The following PLEKHG4B variants were observed in gnomAD, a reference collection of about 807,000 sequenced individuals.
PLEKHG4B encodes the protein pleckstrin homology and RhoGEF domain containing G4B.
PLEKHG4B carries 111 observed loss-of-function variants against 121.3 expected under a neutral mutation model. The ratio of observed to expected loss-of-function variants is 0.92; its 90% confidence interval spans 0.78 to 1.07. The LOEUF (loss-of-function observed/expected upper bound fraction) is 1.07. PLEKHG4B is among the 50% of genes least tolerant of loss of function. The pLI is 0.00. For missense variants in PLEKHG4B, 1,831 were observed against 1,757.8 expected, an observed-to-expected ratio of 1.04 and a Z score of -0.74; for synonymous variants, 738 against 725.0, an observed-to-expected ratio of 1.02 and a Z score of -0.29.
chr5:99,194 A>G (rs1579230097), intron 1 of PLEKHG4B, among the ~76,000 whole-genome samples: 1 of 135,948 alleles, frequency 7.4e-6, no homozygotes, highest in African/African-American at 2.7e-5. Flanking sequence ...ATATATATAT[A>G]TATATATATA....
In PLEKHG4B at chr5:176,422, G is replaced by A. The variant is rs201485897; in HGVS notation, c.4402+2324G>A. On this transcript the variant is annotated intron_variant, in intron 18 of 19. Transcript: ENST00000637938. ...TGCCAGCCTTGAATAATCAGATTCA[G>A]AAAATAGAACTAAGTTGATTCAAGC... 2.0e-3 allele frequency among the ~76,000 whole-genome samples: 306 copies of A among 152,356 alleles called. 1 individual carries two copies. The highest frequency in any genetic ancestry group is 8.3e-3 in the South Asian group (40 of 4,830).
At position 183,821 on chromosome 5, in the gene PLEKHG4B, C is replaced by T. The variant is rs1733509637; in HGVS notation, c.*1498C>T. ...CAGGGATGAGAAACTACAATATTGA[C>T]AGTGGAAACTATCCTGGATGGGGTA... On this transcript the variant is annotated 3_prime_UTR_variant, in exon 20 of 20. Coordinates refer to ENST00000637938, the MANE Select transcript of PLEKHG4B (RefSeq NM_052909.5). 1 of 152,158 alleles carries T rather than the reference C, an allele frequency of 6.6e-6. No individual in the cohort carries two copies. The highest frequency in any genetic ancestry group is 6.5e-5 in the Admixed American group (1 of 15,276). The allele number at this position is 152,158 out of a possible 1,614,324, so 9.4% of individuals were successfully genotyped here.
chr5:169,720 C>A, intron 14 of PLEKHG4B, 128 bp downstream of exon 14: 1 of 1,373,954 alleles, frequency 7.3e-7, no homozygotes, highest in Non-Finnish European at 9.8e-7. Flanking sequence ...GGAGCTGGTC[C>A]TGACAGGATG....
chr5:169,382 G>C lies in PLEKHG4B; in HGVS notation c.3519G>C (p.Glu1173Asp). 6.2e-7 allele frequency: 1 copy of C among 1,614,128 alleles called. No individual in the cohort carries two copies. Among genetic ancestry groups the C allele is most frequent in the African/African-American group, 1.3e-5 (1 of 75,064 alleles). Reference protein sequence around the residue: ...RHIMAEMIATEREYIRCLGYV... With the variant: ...RHIMAEMIATDREYIRCLGYV... Reference sequence around the variant, plus strand: ...TCATGGCCGAGATGATCGCCACAGAGAGGGAGTACATTCGGTGCTTAGGAT... The same window carrying C: ...TCATGGCCGAGATGATCGCCACAGACAGGGAGTACATTCGGTGCTTAGGAT... Residue 1173 changes from glutamate to aspartate, a missense_variant, in exon 14 of 20, where the codon GAG becomes GAC. Transcript: ENST00000637938.
chr5:135,853 A>G (rs1456688242), intron 2 of PLEKHG4B, among the ~76,000 whole-genome samples: 2 of 150,952 alleles, frequency 1.3e-5, no homozygotes, highest in East Asian at 1.9e-4. Context: ...GAGACCCCCA[A>G]ATAGCCAAAA....
chr5:164,596 C>CGG (rs1553990066), intron 13 of PLEKHG4B, among the ~76,000 whole-genome samples: 2 of 45,114 alleles, frequency 4.4e-5, no homozygotes, highest in Admixed American at 1.9e-4. Context: ...AATGCTGTGA[C>CGG]GGAGCGGAGC....
At chr5:174,759 C>T (rs1340922509) in intron 18 of PLEKHG4B, among the ~76,000 whole-genome samples, 1 of 152,052 alleles carries the variant, frequency 6.6e-6, no homozygotes, top group African/African-American at 2.4e-5. Flanking sequence ...TCGCATTCCA[C>T]GTTAGGGACA....
intron 6 of PLEKHG4B, among the ~76,000 whole-genome samples, chr5:151,178 G>C (rs557265563): frequency 6.6e-6 from 1 of 152,210 alleles, no homozygotes; most frequent in East Asian, 1.9e-4. Context: ...GCTTGGCTAC[G>C]AAGAGGCACA....
chr5:124,251 G>T (rs1301091785), intron 2 of PLEKHG4B, among the ~76,000 whole-genome samples: 1 of 151,958 alleles, frequency 6.6e-6, no homozygotes, highest in Non-Finnish European at 1.5e-5. Context: ...TTAATTTGTG[G>T]CCTAACATAT....
At chr5:161,041 C>T (rs542303459) in intron 11 of PLEKHG4B, among the ~76,000 whole-genome samples, 3 of 152,348 alleles carry the variant, frequency 2.0e-5, no homozygotes, top group East Asian at 3.9e-4. Flanking sequence ...TTCTTCACAA[C>T]AGGCCTCTCA....
At position 143,165 on chromosome 5, in the gene PLEKHG4B, A is replaced by G. The variant is rs538530759; in HGVS notation, c.1596A>G (p.Pro532=). 1.9e-6 allele frequency: 3 copies of G among 1,612,206 alleles called. No individual in the cohort carries two copies. The highest frequency in any genetic ancestry group is 2.7e-5 in the African/African-American group (2 of 75,024). ...CACACCCCGAGCAAGAAGGGTGGCCACCCGGCACAGGAGACTTCCCCAGCC... is the reference window on the plus strand; with the variant it reads ...CACACCCCGAGCAAGAAGGGTGGCCGCCCGGCACAGGAGACTTCCCCAGCC... The part of the protein sequence containing the change: ...RQPHPEQEGW[P]PGTGDFPSQV... The change falls in exon 4 of 20, where the codon CCA becomes CCG. Residue 532 remains proline, a synonymous_variant. Coordinates refer to ENST00000637938, the MANE Select transcript of PLEKHG4B (RefSeq NM_052909.5).
In PLEKHG4B at chr5:183,442, A is replaced by G. The variant is rs1221513195; in HGVS notation, c.*1119A>G. The G allele has an allele frequency of 2.0e-5, 3 of 152,246 alleles. No homozygotes were observed. The highest frequency in any genetic ancestry group is 4.8e-5 in the African/African-American group (2 of 41,464). 9.4% of individuals were successfully genotyped at this position (152,246 alleles called of 1,614,324 possible). ...TCACAGAATTCAAACTGTGGCTGAA[A>G]TCGCAGCCCAGGCGTCCAGAAAGTT... On this transcript the variant is annotated 3_prime_UTR_variant, in exon 20 of 20. Coordinates refer to ENST00000637938, the MANE Select transcript of PLEKHG4B (RefSeq NM_052909.5).
At chr5:152,619 T>G (rs534120436) in intron 7 of PLEKHG4B, among the ~76,000 whole-genome samples, 1 of 152,170 alleles carries the variant, frequency 6.6e-6, no homozygotes, top group African/African-American at 2.4e-5. Context: ...TTTTTTAACT[T>G]TTTTCCTCTC....
intron 1 of PLEKHG4B, among the ~76,000 whole-genome samples, chr5:93,095 G>C (rs1733521270): frequency 6.6e-6 from 1 of 152,104 alleles, no homozygotes; most frequent in African/African-American, 2.4e-5. Context: ...TGCCTAAAAA[G>C]TTTAGTTGGT....
chr5:106,948 C>G (rs187549261), intron 1 of PLEKHG4B, among the ~76,000 whole-genome samples: 34 of 152,240 alleles, frequency 2.2e-4, no homozygotes, highest in Non-Finnish European at 4.6e-4. Flanking sequence ...TGTGTGCCCA[C>G]ATGTGGAGAC....
At chr5:143,606 ACT>A (rs1479578827) in intron 5 of PLEKHG4B, 103 bp downstream of exon 5, 5 of 1,422,332 alleles carry the variant, frequency 3.5e-6, no homozygotes, top group Non-Finnish European at 4.8e-6. Context: ...CCATGGCCAG[ACT>A]CTGCCTCTCC....
At chr5:167,751 A>G (rs1443407457) in intron 13 of PLEKHG4B, among the ~76,000 whole-genome samples, 1 of 152,232 alleles carries the variant, frequency 6.6e-6, no homozygotes, top group Non-Finnish European at 1.5e-5. Flanking sequence ...CCTGCCCTCC[A>G]GGCTCACATG....
rs137944921 is a variant in PLEKHG4B at position 165,172 on chromosome 5, C to T, written c.3476+1624C>T. On this transcript the variant is annotated intron_variant, in intron 13 of 19. Transcript: ENST00000637938. ...AGCTCACACTAATGCTCTGACGGGG[C>T]GGGGCTCACAGTACTCCTCTGACGG... is the stretch of plus-strand genomic sequence containing the variant. Among the ~76,000 whole-genome samples, 15 of 53,482 alleles carry T rather than the reference C, an allele frequency of 2.8e-4. 1 individual carries two copies. The highest frequency in any genetic ancestry group is 8.1e-4 in the South Asian group (1 of 1,242). 35.1% of individuals were successfully genotyped at this position (53,482 alleles called of 152,430 possible).
intron 2 of PLEKHG4B, among the ~76,000 whole-genome samples, chr5:133,968 A>G (rs1252444767): frequency 6.7e-6 from 1 of 148,726 alleles, no homozygotes; most frequent in Non-Finnish European, 1.5e-5. Context: ...ATATATATAT[A>G]TGAGATGGAC....
Sources: allele counts gnomAD v4.1 joint callset (sites outside exome capture counted in the v4.1 genomes callset), GRCh38; gene constraint gnomAD v4.1.1; transcripts MANE v1.5; gene names NCBI Gene and HGNC (gene_info 2026-07-23, HGNC 2026-07-21).